The following EPB41L2 variants were observed in gnomAD, a reference collection of about 807,000 sequenced individuals.
EPB41L2 encodes the protein band 4.1-like protein 2.
A neutral mutation model predicts 113.0 loss-of-function variants in EPB41L2; 43 were observed. That is an observed-to-expected ratio of 0.38 (90% confidence interval 0.30 to 0.49). The LOEUF is 0.49. Ranked by LOEUF, EPB41L2 falls within the 20% of genes least tolerant of loss-of-function variation. EPB41L2 has a pLI of 0.95. For synonymous variants in EPB41L2, 442 were observed against 436.7 expected, an observed-to-expected ratio of 1.01 and a Z score of -0.15; for missense variants, 1,147 against 1,223.4, an observed-to-expected ratio of 0.94 and a Z score of 0.93.
intron 15 of EPB41L2, chr6:130,868,583 C>A (rs899135761): frequency 6.6e-6 from 1 of 152,120 alleles, no homozygotes; most frequent in Non-Finnish European, 1.5e-5. Context: ...TAAAGTGAAA[C>A]AGAAGTTTAA....
intron 1 of EPB41L2, among the ~76,000 whole-genome samples, chr6:131,041,557 T>C (rs1262821134): frequency 1.3e-5 from 2 of 152,170 alleles, no homozygotes; most frequent in Non-Finnish European, 2.9e-5. Context: ...TCCCAATTAA[T>C]CTTGAATCTG....
chr6:130,858,241 T>C lies in EPB41L2; in HGVS notation c.2913A>G (p.Ala971=), dbSNP rs183389459. The C allele has an allele frequency of 1.2e-4, 198 of 1,611,054 alleles. No homozygotes were observed. The East Asian group carries it at 2.6e-3, about 21-fold the overall frequency. Residue 971 remains alanine (A), a splice_region_variant and synonymous_variant, in exon 19 of 20, where the codon GCA becomes GCG. Coordinates refer to ENST00000337057, the MANE Select transcript of EPB41L2 (RefSeq NM_001431.4). ...TGDGDIDHDQ[A]LAQAIREARE... is the part of the protein sequence containing the mutation. ...TGGCTTCCCTGATCGCCTGAGCCAG[T>C]GCCTGCCAGGGTCAGGACAGAGAAC...
chr6:130,952,138 T>C (rs1815346026), intron 3 of EPB41L2, among the ~76,000 whole-genome samples: 1 of 152,164 alleles, frequency 6.6e-6, no homozygotes, highest in Non-Finnish European at 1.5e-5. Flanking sequence ...TTAATAAGTC[T>C]GGTAACAAGA....
intron 18 of EPB41L2, among the ~76,000 whole-genome samples, chr6:130,862,178 G>A (rs913874569): frequency 6.6e-5 from 10 of 152,088 alleles, no homozygotes; most frequent in African/African-American, 2.2e-4. Flanking sequence ...ATATTCTTTT[G>A]CCTTTTATAA....
At chr6:131,009,958 C>T (rs766161079) in intron 1 of EPB41L2, among the ~76,000 whole-genome samples, 1 of 152,328 alleles carries the variant, frequency 6.6e-6, no homozygotes, top group Non-Finnish European at 1.5e-5. Flanking sequence ...TGCAATCAGG[C>T]ATGTTCAATT....
chr6:130,912,087 C>T (rs564228449), intron 4 of EPB41L2, among the ~76,000 whole-genome samples: 1 of 152,214 alleles, frequency 6.6e-6, no homozygotes, highest in African/African-American at 2.4e-5. Flanking sequence ...GGGATCTAGG[C>T]TGCACACTCC....
At chr6:131,016,938 T>C (rs561979784) in intron 1 of EPB41L2, among the ~76,000 whole-genome samples, 3 of 152,180 alleles carry the variant, frequency 2.0e-5, no homozygotes, top group Non-Finnish European at 4.4e-5. Flanking sequence ...CCACTATAGT[T>C]ACATTTAAAA....
chr6:131,022,730 T>C (rs1363755084), intron 1 of EPB41L2, among the ~76,000 whole-genome samples: 1 of 152,238 alleles, frequency 6.6e-6, no homozygotes. Flanking sequence ...GTCATCATCA[T>C]CATCATCCAG....
At chr6:130,981,207 A>G (rs552757856) in intron 1 of EPB41L2, among the ~76,000 whole-genome samples, 2 of 152,214 alleles carry the variant, frequency 1.3e-5, no homozygotes, top group Non-Finnish European at 2.9e-5. Context: ...TTGTAAATCA[A>G]TATCTATTAA....
At chr6:130,923,388 C>T (rs1036857468) in intron 4 of EPB41L2, among the ~76,000 whole-genome samples, 7 of 152,182 alleles carry the variant, frequency 4.6e-5, no homozygotes, top group Non-Finnish European at 7.3e-5. Flanking sequence ...TGTCCCAAGC[C>T]TTAACATATA....
chr6:130,951,843 T>C (rs1461846586), intron 3 of EPB41L2, among the ~76,000 whole-genome samples: 1 of 151,948 alleles, frequency 6.6e-6, no homozygotes. Flanking sequence ...AACTGTAGTA[T>C]GGTTCTACCA....
At chr6:130,999,923 T>C (rs979650631) in intron 1 of EPB41L2, among the ~76,000 whole-genome samples, 5 of 152,220 alleles carry the variant, frequency 3.3e-5, no homozygotes, top group Admixed American at 3.3e-4. Flanking sequence ...TTGCCAGGTA[T>C]TTCTCATTTG....
intron 3 of EPB41L2, among the ~76,000 whole-genome samples, chr6:130,936,002 T>C (rs1018179623): frequency 5.3e-5 from 8 of 152,208 alleles, no homozygotes; most frequent in African/African-American, 1.4e-4. Flanking sequence ...TTTGATGACA[T>C]GTAAATACCC....
chr6:130,930,762 C>CAG (rs1488197818), intron 3 of EPB41L2, among the ~76,000 whole-genome samples: 2 of 152,044 alleles, frequency 1.3e-5, no homozygotes, highest in African/African-American at 4.8e-5. Context: ...GACACAGTAT[C>CAG]AGAATCAGAT....
At chr6:130,845,321 C>G (rs1387015665) in intron 19 of EPB41L2, among the ~76,000 whole-genome samples, 1 of 152,198 alleles carries the variant, frequency 6.6e-6, no homozygotes, top group Non-Finnish European at 1.5e-5. Context: ...AGTAAATCTA[C>G]TGGCAGCTCA....
chr6:130,987,560 G>T (rs1780856100), intron 1 of EPB41L2, among the ~76,000 whole-genome samples: 1 of 152,138 alleles, frequency 6.6e-6, no homozygotes, highest in Non-Finnish European at 1.5e-5. Flanking sequence ...GGGTGTGGTA[G>T]CATGCACCTG....
At chr6:130,962,522 A>G (rs1773843130) in intron 1 of EPB41L2, among the ~76,000 whole-genome samples, 1 of 152,222 alleles carries the variant, frequency 6.6e-6, no homozygotes, top group Non-Finnish European at 1.5e-5. Context: ...AGGATGAACA[A>G]GTAATCCAAT....
intron 19 of EPB41L2, among the ~76,000 whole-genome samples, chr6:130,853,253 C>T (rs1779272820): frequency 6.6e-6 from 1 of 152,180 alleles, no homozygotes. Context: ...GCTTCATTCA[C>T]TTTTTTACCT....
chr6:130,956,586 GAGA>G (rs1817518669), intron 1 of EPB41L2, 87 bp from the exon 2 acceptor site: 1 of 1,179,366 alleles, frequency 8.5e-7, no homozygotes, highest in South Asian at 1.6e-5. Context: ...AAGGAAAGAT[GAGA>G]AGAAGAGTAA....
Sources: allele counts gnomAD v4.1 joint callset (sites outside exome capture counted in the v4.1 genomes callset), GRCh38; gene constraint gnomAD v4.1.1; transcripts MANE v1.5; gene names NCBI Gene and HGNC (gene_info 2026-07-23, HGNC 2026-07-21).